FGD4: variants seen among roughly 807,000 people sequenced by gnomAD.
FGD4 encodes FYVE, RhoGEF and PH domain-containing protein 4.
In FGD4, 42 loss-of-function variants were observed where a neutral mutation model predicts 102.0. The ratio of observed to expected loss-of-function variants is 0.41; its 90% CI spans 0.32 to 0.53. The LOEUF (loss-of-function observed/expected upper bound fraction) is 0.53, where lower values mean the gene tolerates loss of function less well. FGD4 is among the 20% of genes least tolerant of loss of function. The pLI, the probability that FGD4 is intolerant of heterozygous loss-of-function variation, is 0.21. For synonymous variants in FGD4, 380 were observed against 375.7 expected (o/e 1.01, Z -0.13); for missense variants, 902 against 1,078.2 (o/e 0.84, Z 2.29).
intron 1 of FGD4, among the ~76,000 whole-genome samples, chr12:32,479,786 C>CTTTTTT (rs559968024): frequency 5.6e-5 from 6 of 106,590 alleles, no homozygotes; most frequent in Non-Finnish European, 7.5e-5. Flanking sequence ...AAGCATTATT[C>CTTTTTT]TTTTTTTTTT....
At chr12:32,489,462 T>C (rs1276566053) in intron 1 of FGD4, among the ~76,000 whole-genome samples, 6 of 152,264 alleles carry the variant, frequency 3.9e-5, no homozygotes, top group Non-Finnish European at 7.3e-5. Flanking sequence ...TACTTTTCTT[T>C]GGAAGTTCAC....
rs1951211564 is a variant in FGD4 at position 32,642,630 on chromosome 12, GTA to G, written c.*2098_*2099del. The G allele has an allele frequency of 6.6e-6, 1 of 152,036 alleles. No individual in the cohort carries two copies. Among genetic ancestry groups the G allele is most frequent in the Non-Finnish European group, 1.5e-5 (1 of 67,954 alleles). The allele number at this position is 152,036 out of a possible 1,614,324, so 9.4% of individuals were successfully genotyped here. On this transcript the variant is annotated 3_prime_UTR_variant, in exon 17 of 17. Coordinates refer to ENST00000534526, the MANE Select transcript of FGD4 (RefSeq NM_001370298.3). ...CTTAGATCATTGAAAGAATACTCAT[GTA>G]AAGATAATGTTTATTATCATGCTCT... is the stretch of plus-strand genomic sequence containing the variant.
intron 1 of FGD4, among the ~76,000 whole-genome samples, chr12:32,498,647 A>T: frequency 6.6e-6 from 1 of 152,158 alleles, no homozygotes; most frequent in Non-Finnish European, 1.5e-5. Context: ...TCTGTCGCCC[A>T]GGCTGGAGTG....
At chr12:32,460,496 C>A (rs753532345) in intron 1 of FGD4, among the ~76,000 whole-genome samples, 1 of 133,914 alleles carries the variant, frequency 7.5e-6, no homozygotes, top group African/African-American at 2.6e-5. Flanking sequence ...CAGTGAGACC[C>A]GGTCTCAAAA....
chr12:32,464,844 A>G (rs1943209534), intron 1 of FGD4, among the ~76,000 whole-genome samples: 1 of 152,230 alleles, frequency 6.6e-6, no homozygotes, highest in African/African-American at 2.4e-5. Flanking sequence ...CTTATAATAG[A>G]CATTAAACTA....
intron 1 of FGD4, among the ~76,000 whole-genome samples, chr12:32,436,324 A>G (rs1942226573): frequency 6.6e-6 from 1 of 152,250 alleles, no homozygotes; most frequent in African/African-American, 2.4e-5. Context: ...GGTTCTTTTC[A>G]GGAACACCTG....
rs1051599534 is a variant in FGD4 at position 32,598,518 on chromosome 12, C to A, written c.1033C>A (p.His345Asn). 1 of 1,613,218 alleles carries A rather than the reference C, an allele frequency of 6.2e-7. No homozygotes were observed. Among genetic ancestry groups the A allele is most frequent in the African/African-American group, 1.3e-5 (1 of 74,900 alleles). ...EMKETNEQKL[H>N]KIANELLLTE... ...TTAGGAGACTAATGAGCAAAAACTT[C>A]ACAAAATAGCCAATGAACTTTTGCT... Residue 345 changes from histidine (H) to asparagine (N), a missense_variant, in exon 5 of 17, where the codon CAC (histidine) becomes AAC (asparagine). Physicochemically the swap from His to Asn is moderately conservative, Grantham distance 68. Transcript: ENST00000534526.
chr12:32,638,632 G>A, intron 15 of FGD4, 23 bp from the exon 16 acceptor site: 1 of 1,613,908 alleles, frequency 6.2e-7, no homozygotes, highest in Non-Finnish European at 8.5e-7. Context: ...TGTTCATTCT[G>A]TCTTTCCATT....
chr12:32,505,013 T>G (rs1565783024), intron 1 of FGD4, among the ~76,000 whole-genome samples: 1 of 152,202 alleles, frequency 6.6e-6, no homozygotes, highest in African/African-American at 2.4e-5. Flanking sequence ...AGGTACAGAT[T>G]TATAATCCAT....
At chr12:32,487,010 C>T (rs968797048) in intron 1 of FGD4, among the ~76,000 whole-genome samples, 9 of 152,136 alleles carry the variant, frequency 5.9e-5, no homozygotes, top group Non-Finnish European at 1.0e-4. Context: ...CTGACCCCCA[C>T]CATGTATCAT....
At chr12:32,595,602 C>T (rs542852018) in intron 4 of FGD4, among the ~76,000 whole-genome samples, 2 of 152,248 alleles carry the variant, frequency 1.3e-5, no homozygotes, top group East Asian at 3.9e-4. Context: ...CAGGGCCCCA[C>T]CTTTTGATCT....
chr12:32,563,446 G>A (rs10844245), intron 1 of FGD4, among the ~76,000 whole-genome samples: 16,734 of 151,666 alleles, frequency 0.11, 1,014 homozygotes, highest in Middle Eastern at 0.19. Context: ...ATGGGATGGC[G>A]GCCGGGAAGA....
At chr12:32,463,063 G>A (rs569762893) in intron 1 of FGD4, among the ~76,000 whole-genome samples, 1 of 152,372 alleles carries the variant, frequency 6.6e-6, no homozygotes, top group Admixed American at 6.5e-5. Flanking sequence ...GGGAGCTCTT[G>A]AATGAAAACT....
At chr12:32,495,768 A>G (rs1457879487) in intron 1 of FGD4, among the ~76,000 whole-genome samples, 1 of 151,320 alleles carries the variant, frequency 6.6e-6, no homozygotes, top group Non-Finnish European at 1.5e-5. Flanking sequence ...GCACACACAC[A>G]TTGATCTCAC....
chr12:32,470,220 A>G (rs1943378576), intron 1 of FGD4, among the ~76,000 whole-genome samples: 1 of 152,090 alleles, frequency 6.6e-6, no homozygotes, highest in South Asian at 2.1e-4. Flanking sequence ...CAAGTTCCAT[A>G]TATGCCATCT....
At chr12:32,579,408 A>G (rs544202605) in intron 3 of FGD4, among the ~76,000 whole-genome samples, 148 of 152,272 alleles carry the variant, frequency 9.7e-4, no homozygotes, top group Middle Eastern at 6.8e-3. Flanking sequence ...TTTGGCATCC[A>G]CAAAGCAGCA....
chr12:32,587,127 T>C (rs1023580548), intron 4 of FGD4, among the ~76,000 whole-genome samples: 1 of 145,396 alleles, frequency 6.9e-6, no homozygotes, highest in African/African-American at 2.6e-5. Context: ...GATGTGGAGG[T>C]TGCAGTGAGC....
chr12:32,458,892 A>G (rs1469311781), intron 1 of FGD4, among the ~76,000 whole-genome samples: 2 of 152,224 alleles, frequency 1.3e-5, no homozygotes, highest in African/African-American at 2.4e-5. Flanking sequence ...CATTTTTACC[A>G]AAGAGGAAAC....
intron 1 of FGD4, chr12:32,534,192 A>G: frequency 1.4e-6 from 1 of 717,900 alleles, no homozygotes; most frequent in Non-Finnish European, 1.8e-6. Context: ...ACTTTGATAA[A>G]TAGAAGTCTC....
Sources: gnomAD v4.1 joint callset for allele counts (sites outside exome capture counted in the v4.1 genomes callset) on GRCh38, gnomAD v4.1.1 for gene constraint, MANE v1.5 for transcripts, NCBI Gene and HGNC (gene_info 2026-07-23, HGNC 2026-07-21) for gene names.